Variants in MYO5A observed in about 807,000 individuals in gnomAD.
The protein encoded by MYO5A is myosin VA.
MYO5A carries 98 observed loss-of-function variants against 249.7 expected under a neutral mutation model. The ratio of observed to expected loss-of-function variants is 0.39; its 90% CI spans 0.33 to 0.46. The LOEUF is 0.46. MYO5A is among the 20% of genes least tolerant of loss of function. The pLI, the probability that MYO5A is intolerant of heterozygous loss-of-function variation, is 0.98. For missense variants in MYO5A, 1,696 were observed against 2,308.8 expected (o/e 0.73, Z 5.44); for synonymous variants, 778 against 810.6 (o/e 0.96, Z 0.68).
rs1249523861 is a variant in MYO5A, at chr15:52,348,830, A to C, written c.3850-4T>G. ...AAGGTATAATTACCTTGTCATCCTG[A>C]GAATCACAAGTCAGCAAGCACAAAA... is the stretch of plus-strand genomic sequence containing the variant. On this transcript the variant is annotated splice_region_variant and splice_polypyrimidine_tract_variant and intron_variant, in intron 28 of 41. Transcript: ENST00000399233. The C allele has an allele frequency of 3.1e-6, 5 of 1,598,170 alleles. No individual in the cohort carries two copies. The South Asian group carries it at 3.4e-5, about 11-fold the overall frequency.
At chr15:52,359,165 A>T (rs1368758172) in intron 25 of MYO5A, among the ~76,000 whole-genome samples, 1 of 152,244 alleles carries the variant, frequency 6.6e-6, no homozygotes, top group Non-Finnish European at 1.5e-5. Context: ...TTCATTCTTA[A>T]GTAGAACTAA....
Position 52,408,107 on chromosome 15 carries a change from G to A in MYO5A, c.790C>T (p.Gln264Ter). Residue 264 changes from glutamine to a stop codon, truncating the protein, a stop_gained, in exon 7 of 42, where the codon CAG (glutamine) becomes TAG (stop). Transcript: ENST00000399233. LOFTEE classifies it high-confidence loss of function. ...GGTAACTTTGCTGAGGCACAAAGCT[G>A]ATAGAAGATATGATAGTTTCTCTCC... ...EEERNYHIFY[Q>*]LCASAKLPEF... The A allele has an allele frequency of 6.2e-7, 1 of 1,607,914 alleles. No individual in the cohort carries two copies. Among genetic ancestry groups the A allele is most frequent in the Non-Finnish European group, 8.5e-7 (1 of 1,175,106 alleles).
chr15:52,318,951 C>T lies in MYO5A; in HGVS notation c.5234+109G>A, dbSNP rs569471955. ...TCTCCCTTGCTGCTTGGCCACATGG[C>T]ACCAGACATGAGATGCAAGAACTGA... On this transcript the variant is annotated intron_variant, in intron 39 of 41. Coordinates refer to ENST00000399233, the MANE Select transcript of MYO5A (RefSeq NM_001382347.1). The T allele has an allele frequency of 1.2e-5, 17 of 1,388,396 alleles. No individual in the cohort carries two copies. The South Asian group carries it at 1.5e-4, about 12-fold the overall frequency. 86.0% of individuals were successfully genotyped at this position (1,388,396 alleles called of 1,614,324 possible).
chr15:52,325,424 T>C (rs77672131), intron 36 of MYO5A, among the ~76,000 whole-genome samples: 11 of 151,774 alleles, frequency 7.2e-5, no homozygotes, highest in Non-Finnish European at 1.6e-4. Context: ...TTTTTTTTTT[T>C]TGAGACAGAG....
chr15:52,465,701 T>A (rs1338019979), intron 1 of MYO5A, among the ~76,000 whole-genome samples: 1 of 152,152 alleles, frequency 6.6e-6, no homozygotes, highest in Non-Finnish European at 1.5e-5. Flanking sequence ...TAAAAAGAAC[T>A]CTTACAAATC....
chr15:52,458,770 A>AAAAAACC (rs1403614862), intron 1 of MYO5A, among the ~76,000 whole-genome samples: 2 of 151,952 alleles, frequency 1.3e-5, no homozygotes, highest in African/African-American at 4.8e-5. Flanking sequence ...ATATAAAAAC[A>AAAAAACC]AAAAACAAAA....
chr15:52,502,873 A>C (rs1353624098), intron 1 of MYO5A, among the ~76,000 whole-genome samples: 1 of 152,254 alleles, frequency 6.6e-6, no homozygotes, highest in African/African-American at 2.4e-5. Flanking sequence ...TGTCATTTGG[A>C]GCAACATGGA....
intron 1 of MYO5A, among the ~76,000 whole-genome samples, chr15:52,475,571 G>C (rs1475735666): frequency 6.6e-6 from 1 of 152,178 alleles, no homozygotes; most frequent in Non-Finnish European, 1.5e-5. Context: ...GTGTCCCAGA[G>C]ATTCTGGTAT....
At chr15:52,340,171 A>G in intron 32 of MYO5A, 25 bp downstream of exon 32, 1 of 1,613,426 alleles carries the variant, frequency 6.2e-7, no homozygotes, top group Non-Finnish European at 8.5e-7. Flanking sequence ...GTTAAGAAGC[A>G]TGTGGACCCG....
chr15:52,321,584 C>T, intron 37 of MYO5A, 75 bp from the exon 38 acceptor site: 1 of 1,503,972 alleles, frequency 6.6e-7, no homozygotes, highest in Non-Finnish European at 9.3e-7. Flanking sequence ...CCAATTTGAT[C>T]AGCATCTTCA....
chr15:52,507,805 A>C (rs34652505), intron 1 of MYO5A, among the ~76,000 whole-genome samples: 3,890 of 140,618 alleles, frequency 0.028, 108 homozygotes, highest in African/African-American at 0.06. Flanking sequence ...CCCTGTCCCC[A>C]AAAAAAAAAA....
intron 21 of MYO5A, 145 bp from the exon 22 acceptor site, chr15:52,370,562 A>G (rs2041052689): frequency 1.2e-6 from 1 of 808,552 alleles, no homozygotes; most frequent in Non-Finnish European, 2.0e-6. Flanking sequence ...AACATTTGCA[A>G]TAGCACAACC....
chr15:52,403,092 C>G (rs886116984), intron 9 of MYO5A, among the ~76,000 whole-genome samples: 4 of 152,136 alleles, frequency 2.6e-5, no homozygotes, highest in African/African-American at 7.2e-5. Context: ...AATAGGAAAA[C>G]AGTACACTCA....
At chr15:52,348,738 G>T in intron 29 of MYO5A, 80 bp downstream of exon 29, 1 of 1,170,408 alleles carries the variant, frequency 8.5e-7, no homozygotes, top group Non-Finnish European at 1.2e-6. Flanking sequence ...AGCATCAATT[G>T]CCTTTATTGG....
chr15:52,460,021 G>A (rs1308158457), intron 1 of MYO5A, among the ~76,000 whole-genome samples: 5 of 151,920 alleles, frequency 3.3e-5, no homozygotes, highest in African/African-American at 1.2e-4. Flanking sequence ...GTCGCGGCCG[G>A]GCAGAGGCAC....
At position 52,472,108 on chromosome 15, in the gene MYO5A, C is replaced by T. The variant is rs183282322; in HGVS notation, c.28-38823G>A. 6.8e-3 allele frequency among the ~76,000 whole-genome samples: 1,016 copies of T among 149,998 alleles called. 45 individuals carry two copies. Among genetic ancestry groups the T allele is most frequent in the Admixed American group, 0.062 (931 of 15,102 alleles). ...TTTTTTTTTTTTTGAGATGGAGTCT[C>T]GCTCTTGTTGCCCAGGCTGGAGTGC... On this transcript the variant is annotated intron_variant, in intron 1 of 41. Transcript: ENST00000399233.
intron 30 of MYO5A, among the ~76,000 whole-genome samples, chr15:52,343,446 G>A (rs940284282): frequency 1.3e-5 from 2 of 152,168 alleles, no homozygotes; most frequent in African/African-American, 4.8e-5. Flanking sequence ...TACTTTACCT[G>A]CAAAATAAGA....
chr15:52,424,718 T>C (rs1481347223), intron 4 of MYO5A, among the ~76,000 whole-genome samples: 2 of 152,214 alleles, frequency 1.3e-5, no homozygotes, highest in East Asian at 3.8e-4. Context: ...GGGTTTCCCA[T>C]ATTATATTTA....
chr15:52,485,595 A>T (rs2076803729), intron 1 of MYO5A, among the ~76,000 whole-genome samples: 1 of 151,506 alleles, frequency 6.6e-6, no homozygotes, highest in African/African-American at 2.4e-5. Context: ...TTACCCTTTT[A>T]AAAAAAAGAT....
Sources: gnomAD v4.1 joint callset for allele counts (sites outside exome capture counted in the v4.1 genomes callset) on GRCh38, gnomAD v4.1.1 for gene constraint, MANE v1.5 for transcripts, NCBI Gene and HGNC (gene_info 2026-07-23, HGNC 2026-07-21) for gene names.